Variants in STPG2 observed in about 807,000 individuals in gnomAD.
STPG2 encodes sperm-tail PG-rich repeat-containing protein 2.
A neutral mutation model predicts 54.2 loss-of-function variants in STPG2; 56 were observed. That is an observed-to-expected ratio of 1.03 (90% CI 0.83 to 1.29). The LOEUF (loss-of-function observed/expected upper bound fraction) is 1.29. STPG2 is among the 50% of genes most tolerant of loss of function. STPG2 has a pLI of 0.00. For missense variants in STPG2, 596 were observed against 544.9 expected (o/e 1.09, Z -0.93); for synonymous variants, 200 against 181.8 (o/e 1.10, Z -0.81).
intron 5 of STPG2, among the ~76,000 whole-genome samples, chr4:98,050,716 G>A (rs1162050760): frequency 6.6e-6 from 1 of 152,138 alleles, no homozygotes; most frequent in African/African-American, 2.4e-5. Flanking sequence ...TGTTTTTAAC[G>A]AAAAGGAAGC....
At chr4:98,103,989 T>A (rs1178382733) in intron 5 of STPG2, among the ~76,000 whole-genome samples, 4 of 152,180 alleles carry the variant, frequency 2.6e-5, no homozygotes. Flanking sequence ...CCAAATTCAA[T>A]TGTCTGAAGC....
chr4:98,007,241 C>T (rs1036804523), intron 5 of STPG2, among the ~76,000 whole-genome samples: 1 of 152,004 alleles, frequency 6.6e-6, no homozygotes, highest in African/African-American at 2.4e-5. Flanking sequence ...GGTCAGTCTA[C>T]ACAATCCAGT....
At chr4:97,916,617 C>G (rs1731887442) in intron 8 of STPG2, 1 of 153,002 alleles carries the variant, frequency 6.5e-6, no homozygotes, top group Admixed American at 6.5e-5. Flanking sequence ...CAGCAAATCC[C>G]ACCACTGCAA....
At chr4:97,574,480 C>T (rs1470934765) in intron 10 of STPG2, among the ~76,000 whole-genome samples, 1 of 151,872 alleles carries the variant, frequency 6.6e-6, no homozygotes, top group African/African-American at 2.4e-5. Flanking sequence ...AAGAGTATGA[C>T]TTAATGATAA....
chr4:97,593,335 G>A (rs896953952), intron 10 of STPG2, among the ~76,000 whole-genome samples: 3 of 152,124 alleles, frequency 2.0e-5, no homozygotes, highest in Non-Finnish European at 2.9e-5. Context: ...GTGTACATGG[G>A]CAGACGTCAC....
chr4:97,910,345 A>T (rs1731630801), intron 8 of STPG2, among the ~76,000 whole-genome samples: 1 of 152,268 alleles, frequency 6.6e-6, no homozygotes, highest in Non-Finnish European at 1.5e-5. Flanking sequence ...AATAAAGGAA[A>T]TGTTCAAATC....
chr4:97,986,773 A>G (rs909053029), intron 5 of STPG2, among the ~76,000 whole-genome samples: 10 of 152,048 alleles, frequency 6.6e-5, no homozygotes, highest in Admixed American at 5.9e-4. Flanking sequence ...TCTATTTCCA[A>G]TTTGCTTAAA....
chr4:97,481,984 A>G (rs1730233023), intron 4 of STPG2, among the ~76,000 whole-genome samples: 1 of 151,622 alleles, frequency 6.6e-6, no homozygotes, highest in Non-Finnish European at 1.5e-5. Context: ...CTTTTCGTAT[A>G]AATCATTTAT....
At chr4:98,022,409 C>T (rs1327295374) in intron 5 of STPG2, among the ~76,000 whole-genome samples, 1 of 152,186 alleles carries the variant, frequency 6.6e-6, no homozygotes, top group Non-Finnish European at 1.5e-5. Flanking sequence ...ATGGGCTTCC[C>T]TTTGTGGGTA....
At chr4:97,989,337 T>A (rs1051470307) in intron 5 of STPG2, among the ~76,000 whole-genome samples, 28 of 152,142 alleles carry the variant, frequency 1.8e-4, no homozygotes, top group African/African-American at 6.5e-4. Flanking sequence ...GTATTCTTCT[T>A]CTCCCTATAC....
chr4:97,722,505 T>C (rs1724480289), intron 9 of STPG2, among the ~76,000 whole-genome samples: 2 of 152,154 alleles, frequency 1.3e-5, no homozygotes. Context: ...GGTTTTATTT[T>C]GTGTCTGTTA....
chr4:97,833,715 A>G (rs1482039880), intron 9 of STPG2, among the ~76,000 whole-genome samples: 1 of 152,226 alleles, frequency 6.6e-6, no homozygotes, highest in African/African-American at 2.4e-5. Flanking sequence ...GACACTTCTC[A>G]AAAGAAGACA....
chr4:97,698,109 C>T (rs541564135), intron 10 of STPG2, among the ~76,000 whole-genome samples: 92 of 152,106 alleles, frequency 6.0e-4, no homozygotes, highest in Non-Finnish European at 1.2e-3. Flanking sequence ...TCTCCATGAC[C>T]GATCTGGTCT....
chr4:97,981,062 A>G, intron 6 of STPG2, 97 bp downstream of exon 6: 1 of 1,356,522 alleles, frequency 7.4e-7, no homozygotes, highest in Non-Finnish European at 9.9e-7. Flanking sequence ...ACCATAGGAC[A>G]AAAAAGAAAA....
At chr4:97,465,939 T>G (rs985160852) in intron 4 of STPG2, among the ~76,000 whole-genome samples, 4 of 152,076 alleles carry the variant, frequency 2.6e-5, no homozygotes. Context: ...TTATTCTTCC[T>G]TACAGTGGTT....
chr4:97,473,636 C>A lies in STPG2; in HGVS notation c.462+239063G>T, dbSNP rs1392739221. On this transcript the variant is annotated intron_variant, in intron 4 of 4. Transcript: ENST00000522676. ...GCCCTGCCATTTGCCTTGTGATATT[C>A]TATTACCTTGTGAACCACGTGATCT... Among the ~76,000 whole-genome samples the A allele has an allele frequency of 2.6e-5, 4 of 152,234 alleles. No homozygotes were observed. The East Asian group carries it at 7.7e-4, about 29-fold the overall frequency.
intron 5 of STPG2, among the ~76,000 whole-genome samples, chr4:98,100,138 A>T (rs955832829): frequency 1.3e-5 from 2 of 152,172 alleles, no homozygotes; most frequent in Non-Finnish European, 2.9e-5. Context: ...TAGGATAAAT[A>T]CAAAGAAAGA....
At chr4:97,915,231 G>A (rs1731829477) in intron 8 of STPG2, among the ~76,000 whole-genome samples, 1 of 151,990 alleles carries the variant, frequency 6.6e-6, no homozygotes, top group African/African-American at 2.4e-5. Flanking sequence ...CTGCTCTTAA[G>A]GAATTTACGA....
chr4:97,905,016 A>G (rs1342181412), intron 8 of STPG2, among the ~76,000 whole-genome samples: 3 of 152,118 alleles, frequency 2.0e-5, no homozygotes, highest in Non-Finnish European at 4.4e-5. Context: ...AATGGAACCA[A>G]GTTGGAAAAC....
Sources: allele counts gnomAD v4.1 joint callset (sites outside exome capture counted in the v4.1 genomes callset), GRCh38; gene constraint gnomAD v4.1.1; transcripts MANE v1.5; gene names NCBI Gene and HGNC (gene_info 2026-07-23, HGNC 2026-07-21).